The following BBX variants were observed in gnomAD, a reference collection of about 807,000 sequenced individuals.
The protein encoded by BBX is HMG box transcription factor BBX.
In BBX, 30 loss-of-function variants were observed where a neutral mutation model predicts 100.2. That is an observed-to-expected ratio of 0.30 (90% CI 0.22 to 0.41). The LOEUF (loss-of-function observed/expected upper bound fraction) is 0.41, where lower values mean the gene tolerates loss of function less well. BBX is among the 10% of genes least tolerant of loss of function. BBX has a pLI of 1.00. For missense variants in BBX, 1,023 were observed against 1,129.8 expected (o/e 0.91, Z 1.35); for synonymous variants, 376 against 388.1 (o/e 0.97, Z 0.37).
chr3:107,654,050 G>A (rs1380313277), intron 3 of BBX, among the ~76,000 whole-genome samples: 1 of 152,116 alleles, frequency 6.6e-6, no homozygotes, highest in African/African-American at 2.4e-5. Flanking sequence ...CATTGTTAGA[G>A]TTACCAAATC....
At position 107,668,829 on chromosome 3, in the gene BBX, A is replaced by G. The variant is rs187084409; in HGVS notation, c.-10+22920A>G. ...AATTATTTGCATTTAAATGGCTTCCAAGACAGTTTTCACGCAAAGGTTCTG... is the reference window on the plus strand; with the variant it reads ...AATTATTTGCATTTAAATGGCTTCCGAGACAGTTTTCACGCAAAGGTTCTG... On this transcript the variant is annotated intron_variant, in intron 3 of 17. Coordinates refer to ENST00000325805, the MANE Select transcript of BBX (RefSeq NM_001142568.3). Among the ~76,000 whole-genome samples the G allele has an allele frequency of 5.9e-5, 9 of 152,324 alleles. 1 individual carries two copies. The East Asian group carries it at 1.5e-3, about 26-fold the overall frequency.
intron 10 of BBX, among the ~76,000 whole-genome samples, chr3:107,757,829 T>C (rs2065603495): frequency 6.6e-6 from 1 of 152,220 alleles, no homozygotes; most frequent in Admixed American, 6.5e-5. Context: ...TTGAAGATTT[T>C]TCCTATTGCC....
At chr3:107,682,466 A>G (rs1265079391) in intron 3 of BBX, among the ~76,000 whole-genome samples, 1 of 151,928 alleles carries the variant, frequency 6.6e-6, no homozygotes, top group Non-Finnish European at 1.5e-5. Context: ...ATACTGTGGG[A>G]CCGAAGGGTC....
At chr3:107,676,983 A>G (rs1451693100) in intron 3 of BBX, among the ~76,000 whole-genome samples, 1 of 151,948 alleles carries the variant, frequency 6.6e-6, no homozygotes, top group Non-Finnish European at 1.5e-5. Context: ...ACAGGTTTTT[A>G]TTTTTTTCTC....
intron 2 of BBX, among the ~76,000 whole-genome samples, chr3:107,541,974 C>A (rs1478577314): frequency 6.6e-6 from 1 of 151,930 alleles, no homozygotes; most frequent in African/African-American, 2.4e-5. Flanking sequence ...TTTGTCACCA[C>A]GACTGGATAG....
intron 10 of BBX, among the ~76,000 whole-genome samples, chr3:107,769,227 T>TAGACAGAC (rs755263869): frequency 1.2e-4 from 11 of 89,786 alleles, no homozygotes; most frequent in East Asian, 3.8e-4. Context: ...GATAGATAGA[T>TAGACAGAC]AGACAGATAG....
At position 107,805,834 on chromosome 3, in the gene BBX, T is replaced by C; in HGVS notation, c.*377T>C. ...ACTAGTTTCATATATTACCTAGTTA[T>C]TCTTTCAAAACAAAACAAAAAAAAA... On this transcript the variant is annotated 3_prime_UTR_variant, in exon 18 of 18. Coordinates refer to ENST00000325805, the MANE Select transcript of BBX (RefSeq NM_001142568.3). 1 of 243,030 alleles carries C rather than the reference T, an allele frequency of 4.1e-6. No individual in the cohort carries two copies. The highest frequency in any genetic ancestry group is 7.9e-6 in the Non-Finnish European group (1 of 127,094). The allele number at this position is 243,030 out of a possible 1,614,324, so 15.1% of individuals were successfully genotyped here. A position where few individuals can be genotyped will look rare whatever the true frequency, so the allele number is the denominator to read the frequency against.
At chr3:107,801,386 C>A in intron 17 of BBX, 105 bp downstream of exon 17, 1 of 1,245,672 alleles carries the variant, frequency 8.0e-7, no homozygotes, top group Non-Finnish European at 1.1e-6. Context: ...AAACTTGGTT[C>A]AAGAGCACTA....
chr3:107,528,397 C>T (rs1364718990), intron 2 of BBX, among the ~76,000 whole-genome samples: 1 of 152,072 alleles, frequency 6.6e-6, no homozygotes, highest in South Asian at 2.1e-4. Flanking sequence ...CTAGTGTTAC[C>T]TCTTTGGAGG....
In BBX at chr3:107,716,881, T is replaced by C. The variant is rs16853783; in HGVS notation, c.405+32T>C. On this transcript the variant is annotated intron_variant, in intron 5 of 17. Transcript: ENST00000325805. Reference sequence around the variant, plus strand: ...TACAATGACAAGGTATTCTGATAGCTAAAAGCAACCAGTCCTGAAACTCCC... The same window carrying C: ...TACAATGACAAGGTATTCTGATAGCCAAAAGCAACCAGTCCTGAAACTCCC... The C allele has an allele frequency of 1.2e-3, 1,873 of 1,604,458 alleles. 27 individuals are homozygous for C. In the African/African-American group the frequency reaches 0.022, roughly 19 times the overall value.
At chr3:107,780,797 A>G (rs925538450) in intron 13 of BBX, among the ~76,000 whole-genome samples, 1 of 152,102 alleles carries the variant, frequency 6.6e-6, no homozygotes, top group Admixed American at 6.6e-5. Flanking sequence ...TTATCATACC[A>G]GCTGTGCTGT....
chr3:107,584,089 CATATATTATATATATTATATATT>C (rs2052563086), intron 2 of BBX, among the ~76,000 whole-genome samples: 1 of 5,234 alleles, frequency 1.9e-4, no homozygotes, highest in Non-Finnish European at 5.1e-4. Context: ...TTATATATAT[CATATATTATATATATTATATATT>C]ATATATAATA....
At chr3:107,679,457 T>A (rs2059459534) in intron 3 of BBX, among the ~76,000 whole-genome samples, 1 of 152,128 alleles carries the variant, frequency 6.6e-6, no homozygotes, top group South Asian at 2.1e-4. Context: ...CTGTGTGGTT[T>A]CCCAGCAGCA....
chr3:107,606,045 C>G lies in BBX; in HGVS notation c.-83-39791C>G, dbSNP rs116278139. 2.3e-3 allele frequency among the ~76,000 whole-genome samples: 357 copies of G among 152,250 alleles called. 2 individuals carry two copies. Among genetic ancestry groups the G allele is most frequent in the African/African-American group, 7.6e-3 (314 of 41,554 alleles). On this transcript the variant is annotated intron_variant, in intron 2 of 17. Coordinates refer to ENST00000325805, the MANE Select transcript of BBX (RefSeq NM_001142568.3). ...CAGATAACCAGGTTTATTTTTCCTG[C>G]TCTTGACTTTTAGGAAAATAAGCTC...
At chr3:107,684,002 C>CT in intron 3 of BBX, among the ~76,000 whole-genome samples, 1 of 152,230 alleles carries the variant, frequency 6.6e-6, no homozygotes, top group Non-Finnish European at 1.5e-5. Context: ...CTGTTGCTCT[C>CT]TACTAACTGA....
intron 2 of BBX, among the ~76,000 whole-genome samples, chr3:107,528,918 G>A (rs2047965134): frequency 6.6e-6 from 1 of 152,108 alleles, no homozygotes; most frequent in Admixed American, 6.5e-5. Context: ...AAGAACATGG[G>A]TAAAAGCAAG....
chr3:107,555,032 C>T lies in BBX; in HGVS notation c.-84+28634C>T, dbSNP rs1181396923. ...GCAATGAGCCGAGATCGTGGCATTG[C>T]ACTCCAGCCTGGGCAACAAGAGCGA... On this transcript the variant is annotated intron_variant, in intron 2 of 17. Coordinates refer to ENST00000325805, the MANE Select transcript of BBX (RefSeq NM_001142568.3). 2.0e-5 allele frequency among the ~76,000 whole-genome samples: 3 copies of T among 152,230 alleles called. No homozygotes were observed. In the East Asian group the frequency reaches 5.8e-4, roughly 29 times the overall value.
chr3:107,618,478 G>C (rs1341626151), intron 2 of BBX, among the ~76,000 whole-genome samples: 1 of 151,878 alleles, frequency 6.6e-6, no homozygotes, highest in Non-Finnish European at 1.5e-5. Context: ...AGGTACCTGA[G>C]GTGAGAATTT....
intron 2 of BBX, among the ~76,000 whole-genome samples, chr3:107,591,305 T>C (rs980780882): frequency 5.9e-5 from 9 of 152,162 alleles, no homozygotes; most frequent in Middle Eastern, 3.2e-3. Flanking sequence ...TCATTTTTCA[T>C]AGGACAGTGA....
Sources: gnomAD v4.1 joint callset for allele counts (sites outside exome capture counted in the v4.1 genomes callset) on GRCh38, gnomAD v4.1.1 for gene constraint, MANE v1.5 for transcripts, NCBI Gene and HGNC (gene_info 2026-07-23, HGNC 2026-07-21) for gene names.